DLG2: variants seen among roughly 807,000 people sequenced by gnomAD.
DLG2 encodes discs large MAGUK scaffold protein 2, also known as disks large homolog 2.
In DLG2, 45 loss-of-function variants were observed where a neutral mutation model predicts 132.5. The observed-to-expected ratio is 0.34, with a 90% CI of 0.27 to 0.44. DLG2 has a LOEUF of 0.44. Among genes scored for constraint, DLG2 ranks in the 20% least tolerant of loss-of-function variants. The pLI is 1.00. For missense variants in DLG2, 1,045 were observed against 1,196.9 expected, an observed-to-expected ratio of 0.87 and a Z score of 1.87; for synonymous variants, 424 against 419.6, an observed-to-expected ratio of 1.01 and a Z score of -0.13.
Position 83,751,536 on chromosome 11 carries a change from A to C in DLG2, c.1825+35154T>G, listed in dbSNP as rs555344828. On this transcript the variant is annotated intron_variant, in intron 18 of 27. Coordinates refer to ENST00000376104, the MANE Select transcript of DLG2 (RefSeq NM_001142699.3). ...TGCATTAACCCAGGTAATGAATGATAGTTATATGGACTAGGATAGAAAAAT... is the reference window on the plus strand; with the variant it reads ...TGCATTAACCCAGGTAATGAATGATCGTTATATGGACTAGGATAGAAAAAT... Among the ~76,000 whole-genome samples the C allele has an allele frequency of 3.9e-4, 59 of 152,328 alleles. 1 individual carries two copies. The South Asian group carries it at 0.012, about 31-fold the overall frequency.
In DLG2 at chr11:85,583,088, ATG is replaced by A. The variant is rs3068389; in HGVS notation, c.40+15567_40+15568del. Among the ~76,000 whole-genome samples the A allele has an allele frequency of 6.8e-3, 202 of 29,780 alleles. 3 individuals are homozygous for A. Among genetic ancestry groups the A allele is most frequent in the Non-Finnish European group, 7.9e-3 (126 of 15,954 alleles). The allele number at this position is 29,780 out of a possible 152,430, so 19.5% of individuals were successfully genotyped here. A position where few individuals can be genotyped will look rare whatever the true frequency, so the allele number is the denominator to read the frequency against. On this transcript the variant is annotated intron_variant, in intron 3 of 27. Transcript: ENST00000376104. ...TATATATATATATATAATATATGTG[ATG>A]TGTGTGTGTGTGTGTGTGTGTGTGT...
At chr11:84,607,466 G>T (rs11824908) in intron 6 of DLG2, among the ~76,000 whole-genome samples, 5,464 of 152,142 alleles carry the variant, frequency 0.036, 104 homozygotes, top group Middle Eastern at 0.061. Context: ...AGATTTTTGG[G>T]GGGGCAGGGA....
At chr11:84,749,510 A>G (rs996851745) in intron 6 of DLG2, among the ~76,000 whole-genome samples, 3 of 152,122 alleles carry the variant, frequency 2.0e-5, no homozygotes, top group Non-Finnish European at 2.9e-5. Flanking sequence ...ACAACTGCCT[A>G]CCATATGCAG....
chr11:84,836,568 T>G (rs2079811441), intron 6 of DLG2, among the ~76,000 whole-genome samples: 2 of 151,824 alleles, frequency 1.3e-5, no homozygotes, highest in Non-Finnish European at 2.9e-5. Flanking sequence ...TTCATTCCTT[T>G]AACACTTTCT....
At chr11:84,313,641 A>AAAGAAAGAAAGAAAGAAAG (rs2098320732) in intron 7 of DLG2, among the ~76,000 whole-genome samples, 32 of 129,182 alleles carry the variant, frequency 2.5e-4, no homozygotes, top group Non-Finnish European at 5.0e-4. Flanking sequence ...GAAAGAGAGA[A>AAAGAAAGAAAGAAAGAAAG]AAAGAAAGAA....
rs1289237281 is a variant in DLG2 at position 85,553,360 on chromosome 11, AT to A, written c.40+45296del. 2.6e-5 allele frequency among the ~76,000 whole-genome samples: 4 copies of A among 151,638 alleles called. 1 individual carries two copies. Among genetic ancestry groups the A allele is most frequent in the Non-Finnish European group, 5.9e-5 (4 of 67,750 alleles). On this transcript the variant is annotated intron_variant, in intron 3 of 27. Coordinates refer to ENST00000376104, the MANE Select transcript of DLG2 (RefSeq NM_001142699.3). ...AAAGGGGACAAAAATTCCTAACTTC[AT>A]TAAGCTTACATCATATGTAAATATA...
chr11:84,778,448 T>G (rs541873913), intron 6 of DLG2, among the ~76,000 whole-genome samples: 12 of 152,310 alleles, frequency 7.9e-5, no homozygotes, highest in African/African-American at 2.6e-4. Flanking sequence ...CATTTTTGAT[T>G]CCATAAAATT....
intron 7 of DLG2, among the ~76,000 whole-genome samples, chr11:84,264,163 A>G (rs371623626): frequency 5.9e-5 from 9 of 152,306 alleles, no homozygotes; most frequent in Admixed American, 3.3e-4. Context: ...TACTGCTGGC[A>G]TTTGCTGATG....
chr11:85,260,720 C>G (rs567309470), intron 4 of DLG2, among the ~76,000 whole-genome samples: 1 of 152,228 alleles, frequency 6.6e-6, no homozygotes, highest in Non-Finnish European at 1.5e-5. Context: ...TCTGGTCACT[C>G]GCTTTTGAAT....
At chr11:83,560,125 T>G (rs980812920) in intron 19 of DLG2, among the ~76,000 whole-genome samples, 5 of 152,020 alleles carry the variant, frequency 3.3e-5, no homozygotes, top group African/African-American at 1.2e-4. Flanking sequence ...TTGCTTTTTT[T>G]TTTTTTCTTC....
intron 15 of DLG2, among the ~76,000 whole-genome samples, chr11:83,883,219 T>C (rs186120381): frequency 1.3e-5 from 2 of 152,280 alleles, no homozygotes; most frequent in African/African-American, 4.8e-5. Context: ...AGGGTCAAGA[T>C]TTTTTCTGGA....
intron 6 of DLG2, among the ~76,000 whole-genome samples, chr11:84,862,347 T>A (rs925704452): frequency 6.6e-6 from 1 of 152,000 alleles, no homozygotes; most frequent in Non-Finnish European, 1.5e-5. Flanking sequence ...TGTGGAGAAA[T>A]AGGAATGCTT....
rs2099532346 is a variant in DLG2 at position 84,587,404 on chromosome 11, AC to A, written c.358-52674del. 3.3e-5 allele frequency among the ~76,000 whole-genome samples: 5 copies of A among 152,212 alleles called. No individual in the cohort carries two copies. The South Asian group carries it at 6.2e-4, about 19-fold the overall frequency. On this transcript the variant is annotated intron_variant, in intron 6 of 27. Transcript: ENST00000376104. Reference sequence around the variant, plus strand: ...GACATCTCTGTTACACATTCCCATGACCCCTGAGCCAAAATTTATTTATTAT... The same window carrying A: ...GACATCTCTGTTACACATTCCCATGACCCTGAGCCAAAATTTATTTATTAT...
chr11:84,093,229 G>A (rs1352701848), intron 10 of DLG2, among the ~76,000 whole-genome samples: 2 of 152,098 alleles, frequency 1.3e-5, no homozygotes, highest in East Asian at 1.9e-4. Flanking sequence ...CTCATCTCAA[G>A]GTTCAGGGTC....
At chr11:84,600,135 A>AGAAG (rs2099572274) in intron 6 of DLG2, among the ~76,000 whole-genome samples, 5 of 130,966 alleles carry the variant, frequency 3.8e-5, no homozygotes, top group Admixed American at 3.2e-4. Flanking sequence ...AGAGAAAGAA[A>AGAAG]GAAAGAAGGA....
intron 4 of DLG2, among the ~76,000 whole-genome samples, chr11:85,280,644 C>T (rs1352162916): frequency 6.6e-6 from 1 of 151,900 alleles, no homozygotes; most frequent in Non-Finnish European, 1.5e-5. Context: ...ATGCTGTGTC[C>T]ATTTTTTTAC....
At position 84,521,795 on chromosome 11, in the gene DLG2, T is replaced by C. The variant is rs142826978; in HGVS notation, c.519+12775A>G. 2.9e-3 allele frequency among the ~76,000 whole-genome samples: 439 copies of C among 152,358 alleles called. 2 individuals carry two copies. Among genetic ancestry groups the C allele is most frequent in the African/African-American group, 0.01 (431 of 41,582 alleles). The stretch of plus-strand genomic sequence containing the variant: ...CAAATAGTTTTAAATTGCTTGTTTA[T>C]AATTAAAAGCAGGTAATATGTCTTA... On this transcript the variant is annotated intron_variant, in intron 7 of 27. Transcript: ENST00000376104.
intron 11 of DLG2, among the ~76,000 whole-genome samples, chr11:84,013,926 C>G (rs1036452152): frequency 6.9e-6 from 1 of 144,502 alleles, no homozygotes; most frequent in Non-Finnish European, 1.5e-5. Flanking sequence ...CCTTAATTAA[C>G]CAAAACTCAT....
chr11:83,879,734 A>C (rs2065679412), intron 15 of DLG2, among the ~76,000 whole-genome samples: 1 of 152,154 alleles, frequency 6.6e-6, no homozygotes, highest in South Asian at 2.1e-4. Context: ...ATAAATGTTA[A>C]TTGGGCACTT....
Sources: gnomAD v4.1 joint callset for allele counts (sites outside exome capture counted in the v4.1 genomes callset) on GRCh38, gnomAD v4.1.1 for gene constraint, MANE v1.5 for transcripts, NCBI Gene and HGNC (gene_info 2026-07-23, HGNC 2026-07-21) for gene names.